Variants in PPP2R5E observed in about 807,000 individuals in gnomAD.
The protein encoded by PPP2R5E is protein phosphatase 2 regulatory subunit B'epsilon.
Under a neutral mutation model 65.3 loss-of-function variants are expected in PPP2R5E, and 4 were observed. The observed-to-expected ratio is 0.06, with a 90% CI of 0.03 to 0.14. The LOEUF is 0.14. Ranked by LOEUF, PPP2R5E falls within the 10% of genes least tolerant of loss-of-function variation. The probability of loss-of-function intolerance (pLI) is 1.00; values close to 1 mark genes in which losing one functional copy is unlikely to be tolerated. For synonymous variants in PPP2R5E, 183 were observed against 187.4 expected, an observed-to-expected ratio of 0.98 and a Z score of 0.19; for missense variants, 274 against 556.1, an observed-to-expected ratio of 0.49 and a Z score of 5.10.
At chr14:63,508,043 G>T in intron 2 of PPP2R5E, 1 of 662,744 alleles carries the variant, frequency 1.5e-6, no homozygotes, top group Non-Finnish European at 1.9e-6. Flanking sequence ...TAATGCCTTT[G>T]GGATCCAATG....
intron 2 of PPP2R5E, among the ~76,000 whole-genome samples, chr14:63,522,682 T>G (rs1168085101): frequency 6.9e-6 from 1 of 145,370 alleles, no homozygotes; most frequent in African/African-American, 2.6e-5. Flanking sequence ...CGCGACCCCG[T>G]CTGGGAGGAG....
At chr14:63,422,953 C>T (rs1293597213) in intron 3 of PPP2R5E, among the ~76,000 whole-genome samples, 2 of 152,164 alleles carry the variant, frequency 1.3e-5, no homozygotes, top group African/African-American at 4.8e-5. Flanking sequence ...CCTCTATAAA[C>T]TAGGCATTCC....
chr14:63,514,173 T>C (rs1892570312), intron 2 of PPP2R5E, among the ~76,000 whole-genome samples: 1 of 152,200 alleles, frequency 6.6e-6, no homozygotes, highest in African/African-American at 2.4e-5. Context: ...ATCAAATAAA[T>C]ACTACCCAAT....
At chr14:63,410,542 C>A (rs551153830) in intron 5 of PPP2R5E, among the ~76,000 whole-genome samples, 13 of 152,206 alleles carry the variant, frequency 8.5e-5, no homozygotes, top group Non-Finnish European at 1.9e-4. Context: ...CCCAAAGGCC[C>A]ACCCACTCCC....
intron 2 of PPP2R5E, among the ~76,000 whole-genome samples, chr14:63,476,040 G>A (rs1260875594): frequency 1.3e-5 from 2 of 152,118 alleles, no homozygotes; most frequent in African/African-American, 2.4e-5. Flanking sequence ...CATAAAAATA[G>A]AGGATTATGA....
intron 2 of PPP2R5E, among the ~76,000 whole-genome samples, chr14:63,459,491 G>A (rs1266020960): frequency 6.6e-6 from 1 of 152,032 alleles, no homozygotes; most frequent in African/African-American, 2.4e-5. Context: ...CTATGAACTG[G>A]AGCCAAATAT....
intron 13 of PPP2R5E, among the ~76,000 whole-genome samples, chr14:63,379,361 T>C (rs1594806070): frequency 6.6e-6 from 1 of 152,244 alleles, no homozygotes; most frequent in East Asian, 1.9e-4. Context: ...AACCTCCCCT[T>C]CCCGGGTTCA....
chr14:63,500,188 A>G (rs1197346383), intron 2 of PPP2R5E, among the ~76,000 whole-genome samples: 1 of 152,212 alleles, frequency 6.6e-6, no homozygotes, highest in East Asian at 1.9e-4. Context: ...AAAGTCTATG[A>G]GAAATAAATG....
chr14:63,498,853 G>A (rs927353176), intron 2 of PPP2R5E, among the ~76,000 whole-genome samples: 2 of 151,790 alleles, frequency 1.3e-5, no homozygotes, highest in African/African-American at 2.4e-5. Context: ...TCCAGCATTC[G>A]TGGCCCAAAA....
At chr14:63,402,763 A>G (rs1248688362) in intron 5 of PPP2R5E, among the ~76,000 whole-genome samples, 5 of 152,216 alleles carry the variant, frequency 3.3e-5, no homozygotes, top group Non-Finnish European at 7.3e-5. Context: ...AGAAGATCCA[A>G]TACATAATAG....
At chr14:63,396,282 G>A (rs1309071205) in intron 6 of PPP2R5E, among the ~76,000 whole-genome samples, 1 of 88,338 alleles carries the variant, frequency 1.1e-5, no homozygotes, top group East Asian at 4.4e-4. Flanking sequence ...AGTAGGGGGA[G>A]AGGAGGGATA....
At position 63,378,348 on chromosome 14, in the gene PPP2R5E, T is replaced by G. The variant is rs1884107713; in HGVS notation, c.1305-2240A>C. Reference sequence around the variant, plus strand: ...GGTTGTAAAACTTTCTTGTGAAAAATCAGACCTTGACGATGACCTTGAGCA... The same window carrying G: ...GGTTGTAAAACTTTCTTGTGAAAAAGCAGACCTTGACGATGACCTTGAGCA... On this transcript the variant is annotated intron_variant, in intron 13 of 13. Transcript: ENST00000337537. 3.3e-5 allele frequency among the ~76,000 whole-genome samples: 5 copies of G among 152,162 alleles called. No homozygotes were observed. In the South Asian group the frequency reaches 8.3e-4, roughly 25 times the overall value.
At chr14:63,432,197 A>C (rs1002087426) in intron 3 of PPP2R5E, among the ~76,000 whole-genome samples, 1 of 151,988 alleles carries the variant, frequency 6.6e-6, no homozygotes, top group Non-Finnish European at 1.5e-5. Flanking sequence ...TCCTGCATCA[A>C]GTATTTATTT....
chr14:63,491,491 T>C (rs1295664631), intron 2 of PPP2R5E, among the ~76,000 whole-genome samples: 1 of 152,152 alleles, frequency 6.6e-6, no homozygotes, highest in Non-Finnish European at 1.5e-5. Context: ...CTCATTTTTA[T>C]ATTGGTTACA....
At chr14:63,382,994 A>C (rs867041393) in intron 12 of PPP2R5E, among the ~76,000 whole-genome samples, 38 of 152,314 alleles carry the variant, frequency 2.5e-4, no homozygotes, top group Middle Eastern at 3.4e-3. Flanking sequence ...TGGGTGGTTC[A>C]ATATGAATTA....
At chr14:63,518,617 G>T (rs1172992345) in intron 2 of PPP2R5E, among the ~76,000 whole-genome samples, 1 of 152,124 alleles carries the variant, frequency 6.6e-6, no homozygotes, top group Admixed American at 6.6e-5. Context: ...TGGTCTAAAA[G>T]TAAATTAGCA....
chr14:63,518,349 C>T (rs1329369820), intron 2 of PPP2R5E, among the ~76,000 whole-genome samples: 1 of 152,148 alleles, frequency 6.6e-6, no homozygotes, highest in Non-Finnish European at 1.5e-5. Flanking sequence ...TCAAGGGATC[C>T]TCCTGCCTTA....
chr14:63,425,257 T>C (rs1887268982), intron 3 of PPP2R5E, among the ~76,000 whole-genome samples: 2 of 152,338 alleles, frequency 1.3e-5, no homozygotes, highest in South Asian at 4.1e-4. Context: ...TTCCAGTGAT[T>C]ACTAGAAATT....
chr14:63,526,891 C>A (rs551032086), intron 2 of PPP2R5E, among the ~76,000 whole-genome samples: 1 of 152,192 alleles, frequency 6.6e-6, no homozygotes, highest in Non-Finnish European at 1.5e-5. Context: ...TTACCTAGGC[C>A]GGGCACAGTG....
Sources: allele counts gnomAD v4.1 joint callset (sites outside exome capture counted in the v4.1 genomes callset), GRCh38; gene constraint gnomAD v4.1.1; transcripts MANE v1.5; gene names NCBI Gene and HGNC (gene_info 2026-07-23, HGNC 2026-07-21).